Variants in FILIP1L observed in about 807,000 individuals in gnomAD.
FILIP1L encodes filamin A-interacting protein 1-like.
Under a neutral mutation model 96.6 loss-of-function variants are expected in FILIP1L, and 55 were observed. The observed-to-expected ratio is 0.57, with a 90% CI of 0.46 to 0.71. The LOEUF (loss-of-function observed/expected upper bound fraction) is 0.71, where lower values mean the gene tolerates loss of function less well. FILIP1L is among the 30% of genes least tolerant of loss of function. The pLI, the probability that FILIP1L is intolerant of heterozygous loss-of-function variation, is 0.00. For synonymous variants in FILIP1L, 467 were observed against 473.9 expected (o/e 0.99, Z 0.19); for missense variants, 1,304 against 1,321.2 (o/e 0.99, Z 0.20).
intron 1 of FILIP1L, among the ~76,000 whole-genome samples, chr3:99,983,428 G>GTATGTA (rs1709204359): frequency 1.1e-4 from 5 of 47,158 alleles, no homozygotes; most frequent in Non-Finnish European, 1.9e-4. Flanking sequence ...ATGTATGTAT[G>GTATGTA]TATGTATATA....
intron 5 of FILIP1L, among the ~76,000 whole-genome samples, chr3:99,840,214 G>A (rs962704990): frequency 5.6e-5 from 8 of 142,552 alleles, no homozygotes; most frequent in African/African-American, 1.0e-4. Flanking sequence ...AAATTAATTC[G>A]TAGAATCTTT....
At chr3:99,900,919 A>T (rs187401408) in intron 4 of FILIP1L, among the ~76,000 whole-genome samples, 10 of 152,196 alleles carry the variant, frequency 6.6e-5, no homozygotes, top group African/African-American at 2.2e-4. Flanking sequence ...GCCCTAGAGT[A>T]TGCCTGAGGG....
intron 1 of FILIP1L, among the ~76,000 whole-genome samples, chr3:99,959,719 T>A (rs1333691460): frequency 6.6e-6 from 1 of 152,194 alleles, no homozygotes; most frequent in Non-Finnish European, 1.5e-5. Flanking sequence ...AATAGAGCAA[T>A]AATGAGTCTC....
intron 4 of FILIP1L, among the ~76,000 whole-genome samples, chr3:99,890,215 C>T (rs1706040009): frequency 6.6e-6 from 1 of 152,124 alleles, no homozygotes; most frequent in Non-Finnish European, 1.5e-5. Context: ...TCTGGTTTCC[C>T]ATTTTACTGT....
intron 1 of FILIP1L, among the ~76,000 whole-genome samples, chr3:100,052,078 G>A (rs1323958809): frequency 6.6e-6 from 1 of 151,916 alleles, no homozygotes; most frequent in Non-Finnish European, 1.5e-5. Flanking sequence ...TGTGTTATTT[G>A]TCACATGTTA....
At chr3:99,916,137 G>A (rs148653009) in intron 4 of FILIP1L, among the ~76,000 whole-genome samples, 2 of 152,304 alleles carry the variant, frequency 1.3e-5, no homozygotes, top group East Asian at 3.9e-4. Context: ...TTGGTAGACT[G>A]CCTTCCCCAG....
chr3:100,071,028 A>G (rs190103384), intron 1 of FILIP1L, among the ~76,000 whole-genome samples: 1 of 151,258 alleles, frequency 6.6e-6, no homozygotes, highest in Non-Finnish European at 1.5e-5. Context: ...ACAGAAAAAA[A>G]TAAGCCAAGT....
At chr3:99,925,771 C>T (rs1707273902) in intron 3 of FILIP1L, 1 of 792,292 alleles carries the variant, frequency 1.3e-6, no homozygotes, top group South Asian at 5.8e-5. Context: ...TGGAGGTGAC[C>T]TCATAAAGGA....
At chr3:99,982,182 G>GT (rs962460050) in intron 1 of FILIP1L, among the ~76,000 whole-genome samples, 3 of 151,790 alleles carry the variant, frequency 2.0e-5, no homozygotes, top group African/African-American at 4.8e-5. Flanking sequence ...TTTAGTATAT[G>GT]TTTTTTTAAT....
chr3:99,996,407 T>C (rs1356121096), intron 1 of FILIP1L, among the ~76,000 whole-genome samples: 1 of 152,142 alleles, frequency 6.6e-6, no homozygotes, highest in East Asian at 1.9e-4. Context: ...CTCTAGGAAG[T>C]TCCAACTTTC....
In FILIP1L at chr3:99,864,028, G is replaced by C. The variant is rs143058838; in HGVS notation, c.606-12958C>G. Among the ~76,000 whole-genome samples the C allele has an allele frequency of 1.7e-3, 256 of 152,286 alleles. 1 individual carries two copies. Among genetic ancestry groups the C allele is most frequent in the Non-Finnish European group, 2.9e-3 (194 of 68,016 alleles). On this transcript the variant is annotated intron_variant, in intron 4 of 5. Transcript: ENST00000477258. Reference sequence around the variant, plus strand: ...GCTAAATACATCTTTACAACTTCATGCTAAAGAAATTAAACTTTGTAGGAT... The same window carrying C: ...GCTAAATACATCTTTACAACTTCATCCTAAAGAAATTAAACTTTGTAGGAT...
chr3:99,905,208 TC>T (rs1706574255), intron 4 of FILIP1L, among the ~76,000 whole-genome samples: 1 of 152,212 alleles, frequency 6.6e-6, no homozygotes, highest in South Asian at 2.1e-4. Flanking sequence ...ACAGTATTTC[TC>T]CCCTGGGACT....
In FILIP1L at chr3:99,931,159, T is replaced by G. The variant is rs868829788; in HGVS notation, c.-10-129A>C. The G allele has an allele frequency of 1.4e-5, 10 of 719,256 alleles. 1 individual carries two copies. In the Middle Eastern group the frequency reaches 2.6e-3, roughly 184 times the overall value. The allele number at this position is 719,256 out of a possible 1,614,324, so 44.6% of individuals were successfully genotyped here. On this transcript the variant is annotated intron_variant, in intron 1 of 5. Transcript: ENST00000477258. ...AGCCCCAAAGTCAATCTTTTTGATG[T>G]CTACAGCAGAGAAGGATATTAGCAG...
rs192672005 is a variant in FILIP1L at position 100,105,321 on chromosome 3, A to G, written c.-11+8732T>C. 4.3e-3 allele frequency among the ~76,000 whole-genome samples: 658 copies of G among 152,312 alleles called. 5 individuals are homozygous for G. The highest frequency in any genetic ancestry group is 4.8e-3 in the Non-Finnish European group (325 of 68,034). On this transcript the variant is annotated intron_variant, in intron 1 of 5. Transcript: ENST00000477258. Reference sequence around the variant, plus strand: ...TTAGTTTGTTAAGTACTCAGGAAAGACATGAGCAATAGGAATTTGGACTAG... The same window carrying G: ...TTAGTTTGTTAAGTACTCAGGAAAGGCATGAGCAATAGGAATTTGGACTAG...
chr3:100,113,839 A>C (rs1248771174), intron 1 of FILIP1L, among the ~76,000 whole-genome samples: 1 of 152,184 alleles, frequency 6.6e-6, no homozygotes, highest in Non-Finnish European at 1.5e-5. Flanking sequence ...AAACTTACCT[A>C]CTGTCAGGAT....
chr3:99,983,385 AATAAATAT>A (rs1191353298), intron 1 of FILIP1L, among the ~76,000 whole-genome samples: 2,543 of 83,994 alleles, frequency 0.03, 143 homozygotes, highest in African/African-American at 0.086. Context: ...AAAATAAATA[AATAAATAT>A]ATATATATAT....
chr3:99,917,257 T>G (rs1281630348), intron 4 of FILIP1L, among the ~76,000 whole-genome samples: 1 of 152,194 alleles, frequency 6.6e-6, no homozygotes, highest in Non-Finnish European at 1.5e-5. Context: ...GCAACAGTGG[T>G]GTCTGTGCCA....
chr3:99,918,292 A>C (rs750891437), intron 4 of FILIP1L, among the ~76,000 whole-genome samples: 1 of 152,176 alleles, frequency 6.6e-6, no homozygotes, highest in Admixed American at 6.5e-5. Flanking sequence ...TTTATATACC[A>C]GAAAACTAAA....
intron 5 of FILIP1L, among the ~76,000 whole-genome samples, chr3:99,839,406 C>T (rs1332950163): frequency 6.6e-6 from 1 of 152,140 alleles, no homozygotes; most frequent in Non-Finnish European, 1.5e-5. Flanking sequence ...AAGCCTGTAT[C>T]CTAATAGAAG....
Sources: gnomAD v4.1 joint callset for allele counts (sites outside exome capture counted in the v4.1 genomes callset) on GRCh38, gnomAD v4.1.1 for gene constraint, MANE v1.5 for transcripts, NCBI Gene and HGNC (gene_info 2026-07-23, HGNC 2026-07-21) for gene names.